KCND2: variants seen among roughly 807,000 people sequenced by gnomAD.
KCND2 encodes the protein A-type voltage-gated potassium channel KCND2.
In KCND2, 16 loss-of-function variants were observed where a neutral mutation model predicts 54.4. The ratio of observed to expected loss-of-function variants is 0.29; its 90% confidence interval spans 0.20 to 0.45. KCND2 has a LOEUF of 0.45. KCND2 is among the 20% of genes least tolerant of loss of function. The probability of loss-of-function intolerance (pLI) is 1.00; values close to 1 mark genes in which losing one functional copy is unlikely to be tolerated. For synonymous variants in KCND2, 317 were observed against 310.7 expected (o/e 1.02, Z -0.21); for missense variants, 486 against 824.2 (o/e 0.59, Z 5.02).
chr7:120,417,461 A>G (rs1339158699), intron 1 of KCND2, among the ~76,000 whole-genome samples: 1 of 152,170 alleles, frequency 6.6e-6, no homozygotes, highest in Admixed American at 6.5e-5. Flanking sequence ...CTCACTGCCT[A>G]ATAAAGTTCT....
In KCND2 at chr7:120,711,103, C is replaced by T. The variant is rs77306838; in HGVS notation, c.1116-21800C>T. ...GAACTATGCATATGACACAAAAATA[C>T]GAAATGTAGATGATATATATTTTAT... On this transcript the variant is annotated intron_variant, in intron 1 of 5. Transcript: ENST00000331113. 5.0e-3 allele frequency among the ~76,000 whole-genome samples: 751 copies of T among 151,600 alleles called. 4 individuals carry two copies. Among genetic ancestry groups the T allele is most frequent in the African/African-American group, 0.017 (714 of 41,324 alleles).
chr7:120,324,474 G>A (rs1338651003), intron 1 of KCND2, among the ~76,000 whole-genome samples: 1 of 148,342 alleles, frequency 6.7e-6, no homozygotes, highest in African/African-American at 2.5e-5. Context: ...ATTGATTTTT[G>A]TATAAGGTGT....
chr7:120,620,503 CA>C (rs1793084656), intron 1 of KCND2, among the ~76,000 whole-genome samples: 1 of 152,076 alleles, frequency 6.6e-6, no homozygotes, highest in Non-Finnish European at 1.5e-5. Flanking sequence ...AACTTCCTAC[CA>C]GGCATTTTCC....
chr7:120,661,890 C>T (rs1303924099), intron 1 of KCND2, among the ~76,000 whole-genome samples: 2 of 152,144 alleles, frequency 1.3e-5, no homozygotes, highest in Non-Finnish European at 2.9e-5. Flanking sequence ...TAACACTGAG[C>T]TACAGGTATT....
intron 1 of KCND2, among the ~76,000 whole-genome samples, chr7:120,303,974 TGTGCTTGCAATG>T (rs1563002927): frequency 6.6e-6 from 1 of 152,182 alleles, no homozygotes; most frequent in East Asian, 1.9e-4. Context: ...TGTTATTAAT[TGTGCTTGCAATG>T]GTGCCTTTAG....
At chr7:120,326,351 C>T (rs1272276783) in intron 1 of KCND2, among the ~76,000 whole-genome samples, 2 of 152,016 alleles carry the variant, frequency 1.3e-5, no homozygotes, top group Non-Finnish European at 2.9e-5. Flanking sequence ...TAACTTTGTT[C>T]ATTGACAGCT....
Position 120,369,707 on chromosome 7 carries a change from T to C in KCND2, c.1115+93960T>C, listed in dbSNP as rs574553996. 1.9e-3 allele frequency among the ~76,000 whole-genome samples: 293 copies of C among 152,182 alleles called. 1 individual carries two copies. The highest frequency in any genetic ancestry group is 6.9e-3 in the African/African-American group (287 of 41,564). ...AACTTTCCATAATGGCATTGTTAAC[T>C]GCTAACCAGTTTTGTTTATTAAAAA... On this transcript the variant is annotated intron_variant, in intron 1 of 5. Coordinates refer to ENST00000331113, the MANE Select transcript of KCND2 (RefSeq NM_012281.3).
intron 1 of KCND2, among the ~76,000 whole-genome samples, chr7:120,381,644 G>T (rs1299231733): frequency 6.6e-6 from 1 of 151,994 alleles, no homozygotes; most frequent in Non-Finnish European, 1.5e-5. Context: ...TATACCTGGG[G>T]AAGATTCGAT....
intron 1 of KCND2, among the ~76,000 whole-genome samples, chr7:120,284,581 T>C (rs145984149): frequency 2.0e-4 from 30 of 152,274 alleles, no homozygotes; most frequent in African/African-American, 6.7e-4. Flanking sequence ...TAATGTTTGA[T>C]TTTTTGCTTT....
rs539393489 is a variant in KCND2, at chr7:120,509,336, A to G, written c.1116-223567A>G. Among the ~76,000 whole-genome samples the G allele has an allele frequency of 4.3e-4, 66 of 152,214 alleles. 1 individual carries two copies. Among genetic ancestry groups the G allele is most frequent in the African/African-American group, 1.6e-3 (65 of 41,580 alleles). On this transcript the variant is annotated intron_variant, in intron 1 of 5. Transcript: ENST00000331113. ...AATTATACAAATGTGCCATAAGAAT[A>G]TAAGATGTTAATAATGGGGAAAACT... is the stretch of plus-strand genomic sequence containing the variant.
chr7:120,407,329 G>A (rs1204823821), intron 1 of KCND2, among the ~76,000 whole-genome samples: 1 of 151,912 alleles, frequency 6.6e-6, no homozygotes, highest in African/African-American at 2.4e-5. Flanking sequence ...TAAGAATGTA[G>A]AGATACATAA....
chr7:120,521,381 G>T (rs754606316), intron 1 of KCND2, among the ~76,000 whole-genome samples: 4 of 151,810 alleles, frequency 2.6e-5, no homozygotes, highest in Non-Finnish European at 5.9e-5. Flanking sequence ...CTCTCATTCC[G>T]AAAATGCATC....
At position 120,455,556 on chromosome 7, in the gene KCND2, A is replaced by G. The variant is rs116810186; in HGVS notation, c.1115+179809A>G. ...ACATATCTTCATCACAATGCTATTCATAATAGCGAAGACATGGAATCAACC... is the reference window on the plus strand; with the variant it reads ...ACATATCTTCATCACAATGCTATTCGTAATAGCGAAGACATGGAATCAACC... On this transcript the variant is annotated intron_variant, in intron 1 of 5. Coordinates refer to ENST00000331113, the MANE Select transcript of KCND2 (RefSeq NM_012281.3). Among the ~76,000 whole-genome samples, 833 of 152,298 alleles carry G rather than the reference A, an allele frequency of 5.5e-3. 10 individuals are homozygous for G. Among genetic ancestry groups the G allele is most frequent in the African/African-American group, 0.019 (793 of 41,538 alleles).
chr7:120,532,072 A>G (rs1250647230), intron 1 of KCND2, among the ~76,000 whole-genome samples: 1 of 152,056 alleles, frequency 6.6e-6, no homozygotes, highest in Non-Finnish European at 1.5e-5. Flanking sequence ...ACTAAATTCT[A>G]TTTTTAAAAT....
intron 1 of KCND2, among the ~76,000 whole-genome samples, chr7:120,316,367 T>A (rs545081722): frequency 2.0e-5 from 3 of 152,234 alleles, no homozygotes; most frequent in Non-Finnish European, 4.4e-5. Context: ...TATCACTGCT[T>A]CTGTAAGCTC....
intron 5 of KCND2, 43 bp downstream of exon 5, chr7:120,746,070 T>G: frequency 1.9e-6 from 3 of 1,603,950 alleles, no homozygotes; most frequent in Middle Eastern, 1.7e-4. Flanking sequence ...CTGTGCTGGT[T>G]CCCAGGGTGT....
chr7:120,420,825 A>G (rs1801600612), intron 1 of KCND2, among the ~76,000 whole-genome samples: 2 of 152,120 alleles, frequency 1.3e-5, no homozygotes, highest in South Asian at 4.1e-4. Flanking sequence ...TGGCAAAATC[A>G]TACCTCTGAA....
chr7:120,716,558 GACAA>G (rs1792605671), intron 1 of KCND2, among the ~76,000 whole-genome samples: 1 of 152,036 alleles, frequency 6.6e-6, no homozygotes, highest in Non-Finnish European at 1.5e-5. Flanking sequence ...ACTCTTGCTA[GACAA>G]ACAAATACCC....
chr7:120,671,692 GACCC>G (rs1055966425), intron 1 of KCND2, among the ~76,000 whole-genome samples: 1 of 151,988 alleles, frequency 6.6e-6, no homozygotes, highest in African/African-American at 2.4e-5. Flanking sequence ...CCACATCTGT[GACCC>G]ATTCACCACT....
Sources: gnomAD v4.1 joint callset for allele counts (sites outside exome capture counted in the v4.1 genomes callset) on GRCh38, gnomAD v4.1.1 for gene constraint, MANE v1.5 for transcripts, NCBI Gene and HGNC (gene_info 2026-07-23, HGNC 2026-07-21) for gene names.